The following LMLN variants were observed in gnomAD, a reference collection of about 807,000 sequenced individuals.
LMLN encodes the protein leishmanolysin like peptidase, also known as leishmanolysin-like peptidase.
In LMLN, 70 loss-of-function variants were observed where a neutral mutation model predicts 92.3. The ratio of observed to expected loss-of-function variants is 0.76; its 90% confidence interval spans 0.63 to 0.92. LMLN has a LOEUF of 0.92. LMLN is among the 40% of genes least tolerant of loss of function. LMLN has a pLI of 0.00. For missense variants in LMLN, 691 were observed against 814.6 expected (o/e 0.85, Z 1.85); for synonymous variants, 308 against 296.2 (o/e 1.04, Z -0.41).
At chr3:197,974,949 G>A in intron 2 of LMLN, 93 bp from the exon 3 acceptor site, 1 of 809,702 alleles carries the variant, frequency 1.2e-6, no homozygotes, top group Non-Finnish European at 2.1e-6. Context: ...CAGGCCCAAG[G>A]CCTGCTGGTT....
chr3:197,977,569 G>A (rs1161706688), intron 5 of LMLN, among the ~76,000 whole-genome samples: 5 of 151,244 alleles, frequency 3.3e-5, no homozygotes, highest in Admixed American at 3.3e-4. Flanking sequence ...CCATCTGGAA[G>A]TATACACACG....
At chr3:198,029,469 C>T (rs367723015) in intron 14 of LMLN, among the ~76,000 whole-genome samples, 46 of 152,158 alleles carry the variant, frequency 3.0e-4, no homozygotes, top group African/African-American at 1.0e-3. Context: ...GTCAGGAGTT[C>T]GAGATCAGCC....
intron 6 of LMLN, among the ~76,000 whole-genome samples, chr3:197,982,378 A>G (rs1209911586): frequency 1.3e-5 from 2 of 151,804 alleles, no homozygotes; most frequent in Non-Finnish European, 2.9e-5. Flanking sequence ...GGTGCGCACC[A>G]CCACGCCTGG....
intron 6 of LMLN, among the ~76,000 whole-genome samples, chr3:197,982,761 A>G (rs1352160589): frequency 6.6e-6 from 1 of 152,266 alleles, no homozygotes; most frequent in Non-Finnish European, 1.5e-5. Flanking sequence ...ATGTTGTAAC[A>G]TAGAGGAGAA....
chr3:198,036,202 C>T (rs1026432911), intron 15 of LMLN, among the ~76,000 whole-genome samples, 159 bp downstream of exon 16: 1 of 152,158 alleles, frequency 6.6e-6, no homozygotes, highest in African/African-American at 2.4e-5. Flanking sequence ...CCACCATTAT[C>T]GGAAATCTAA....
chr3:197,961,908 C>T (rs1301089508), intron 1 of LMLN, among the ~76,000 whole-genome samples: 2 of 152,178 alleles, frequency 1.3e-5, no homozygotes, highest in African/African-American at 2.4e-5. Flanking sequence ...ATGGACCCAT[C>T]ACCTAGCTTT....
In LMLN at chr3:198,003,001, G is replaced by T; in HGVS notation, c.1232+3659G>T. 4 of 1,487,408 alleles carry T rather than the reference G, an allele frequency of 2.7e-6. No individual in the cohort carries two copies. Among genetic ancestry groups the T allele is most frequent in the Non-Finnish European group, 2.7e-6 (3 of 1,093,312 alleles). 92.1% of individuals were successfully genotyped at this position (1,487,408 alleles called of 1,614,324 possible). A position where few individuals can be genotyped will look rare whatever the true frequency, so the allele number is the denominator to read the frequency against. On this transcript the variant is annotated intron_variant, in intron 11 of 15. Coordinates refer to ENST00000330198, the Ensembl canonical transcript of LMLN. ...GACAGCAGTAAAAATTGCTTTGTTT[G>T]AATTATTCCACAGCTGGTATAAAGC...
At chr3:197,972,716 G>A (rs1213500076) in intron 1 of LMLN, among the ~76,000 whole-genome samples, 1 of 139,334 alleles carries the variant, frequency 7.2e-6, no homozygotes, top group Non-Finnish European at 1.6e-5. Context: ...TTTTTTTTTT[G>A]TAGCTGGCGT....
At chr3:197,996,414 C>A in intron 10 of LMLN, 132 bp downstream of exon 10, 2 of 508,906 alleles carry the variant, frequency 3.9e-6, no homozygotes, top group Non-Finnish European at 6.9e-6. Flanking sequence ...TCCAGATGCA[C>A]TTTCCAGATA....
Position 198,003,645 on chromosome 3 carries a change from TATA to T in LMLN, c.1232+4304_1232+4306del, listed in dbSNP as rs1255984684. 6.6e-5 allele frequency among the ~76,000 whole-genome samples: 8 copies of T among 121,984 alleles called. 1 individual carries two copies. The highest frequency in any genetic ancestry group is 4.5e-4 in the Admixed American group (6 of 13,276). The allele number at this position is 121,984 out of a possible 152,430, so 80.0% of individuals were successfully genotyped here. A position where few individuals can be genotyped will look rare whatever the true frequency, so the allele number is the denominator to read the frequency against. On this transcript the variant is annotated intron_variant, in intron 11 of 15. Coordinates refer to ENST00000330198, the Ensembl canonical transcript of LMLN. Reference sequence around the variant, plus strand: ...AGTTTGACATTATCTATATATCATCTATACAGATACATATCATACGTAGTAAGT... The same window carrying T: ...AGTTTGACATTATCTATATATCATCTCAGATACATATCATACGTAGTAAGT...
intron 1 of LMLN, among the ~76,000 whole-genome samples, chr3:197,965,116 G>C (rs1048849861): frequency 3.9e-5 from 6 of 152,028 alleles, no homozygotes; most frequent in Non-Finnish European, 7.4e-5. Context: ...CTGTGTTCAA[G>C]CAGTCTCCCC....
exon 16 of LMLN, chr3:198,038,785 T>C: frequency 1.3e-6 from 1 of 778,326 alleles, no homozygotes; most frequent in Non-Finnish European, 2.2e-6. Context: ...TGGCTTTGGC[T>C]TGGAAGAATT....
intron 11 of LMLN, among the ~76,000 whole-genome samples, chr3:198,012,311 C>T (rs1253072438): frequency 3.3e-5 from 5 of 152,178 alleles, no homozygotes; most frequent in East Asian, 3.9e-4. Flanking sequence ...CTGATCTGCC[C>T]GCCCTGGCTT....
chr3:197,974,513 A>G, intron 2 of LMLN, 39 bp downstream of exon 2: 1 of 1,059,576 alleles, frequency 9.4e-7, no homozygotes, highest in Non-Finnish European at 1.4e-6. Context: ...TTCATTATTA[A>G]TCTAAATGTT....
intron 6 of LMLN, 150 bp from the exon 7 acceptor site, chr3:197,983,793 A>C (rs1293718914): frequency 1.9e-6 from 1 of 531,898 alleles, no homozygotes; most frequent in African/African-American, 1.9e-5. Flanking sequence ...CAGAGGATAC[A>C]TGTCTTAAAA....
intron 9 of LMLN, among the ~76,000 whole-genome samples, chr3:197,992,062 C>T (rs1245246967): frequency 1.5e-5 from 2 of 129,946 alleles, no homozygotes; most frequent in Non-Finnish European, 3.2e-5. Flanking sequence ...GGGGTTTCAC[C>T]ATGTTGGTCA....
At chr3:198,039,448 C>T (rs1234649006) in exon 16 of LMLN, 10 of 152,056 alleles carry the variant, frequency 6.6e-5, no homozygotes, top group Admixed American at 6.6e-4. Context: ...CATTATTATA[C>T]CTATTTTAAA....
At chr3:197,991,010 A>C (rs1476554280) in intron 9 of LMLN, among the ~76,000 whole-genome samples, 1 of 152,212 alleles carries the variant, frequency 6.6e-6, no homozygotes, top group East Asian at 1.9e-4. Context: ...AACAGAACCA[A>C]TAGGATGTGT....
At position 197,999,368 on chromosome 3, in the gene LMLN, T is replaced by G. The variant is rs376118263; in HGVS notation, c.1232+26T>G. The G allele has an allele frequency of 4.8e-4, 711 of 1,489,724 alleles. 7 individuals are homozygous for G. Among genetic ancestry groups the G allele is most frequent in the Admixed American group, 3.4e-4 (20 of 59,658 alleles). The allele number at this position is 1,489,724 out of a possible 1,614,324, so 92.3% of individuals were successfully genotyped here. On this transcript the variant is annotated intron_variant, in intron 11 of 15. Transcript: ENST00000330198. Reference sequence around the variant, plus strand: ...GTAAGACAGCTGTGACAAGAGGATATGAATTGCTTATGAAAATGAAATTAA... The same window carrying G: ...GTAAGACAGCTGTGACAAGAGGATAGGAATTGCTTATGAAAATGAAATTAA...
Sources: allele counts gnomAD v4.1 joint callset (sites outside exome capture counted in the v4.1 genomes callset), GRCh38; gene constraint gnomAD v4.1.1; transcripts MANE v1.5; gene names NCBI Gene and HGNC (gene_info 2026-07-23, HGNC 2026-07-21).